USP13: variants seen among roughly 807,000 people sequenced by gnomAD.
USP13 encodes ubiquitin carboxyl-terminal hydrolase 13.
A neutral mutation model predicts 107.8 loss-of-function variants in USP13; 68 were observed. The observed-to-expected ratio is 0.63, with a 90% confidence interval of 0.52 to 0.77. The LOEUF is 0.77. USP13 is among the 30% of genes least tolerant of loss of function. USP13 has a pLI of 0.00. For synonymous variants in USP13, 377 were observed against 389.5 expected, an observed-to-expected ratio of 0.97 and a Z score of 0.38; for missense variants, 945 against 1,093.3, an observed-to-expected ratio of 0.86 and a Z score of 1.91.
intron 8 of USP13, among the ~76,000 whole-genome samples, chr3:179,722,949 C>G (rs956279838): frequency 2.0e-5 from 3 of 152,190 alleles, no homozygotes; most frequent in African/African-American, 7.2e-5. Flanking sequence ...CTGTTTTCTT[C>G]CTTGGGTGTA....
chr3:179,774,409 G>C (rs1715441602), intron 19 of USP13, among the ~76,000 whole-genome samples: 1 of 152,172 alleles, frequency 6.6e-6, no homozygotes, highest in Non-Finnish European at 1.5e-5. Context: ...CTGATGTTCG[G>C]ACATGTTCAA....
At position 179,743,375 on chromosome 3, in the gene USP13, G is replaced by C. The variant is rs1229275431; in HGVS notation, c.1534+1025G>C. ...TACACATGTATCCTGGAGTTTTTTT[G>C]TTTTTTGTTTTTTTTTTTGAGAATA... On this transcript the variant is annotated intron_variant, in intron 12 of 20. Coordinates refer to ENST00000263966, the MANE Select transcript of USP13 (RefSeq NM_003940.3). Among the ~76,000 whole-genome samples, 4 of 146,396 alleles carry C rather than the reference G, an allele frequency of 2.7e-5. No homozygotes were observed. In the Admixed American group the frequency reaches 2.7e-4, roughly 10 times the overall value.
intron 10 of USP13, among the ~76,000 whole-genome samples, chr3:179,732,338 T>C (rs1236515338): frequency 1.3e-5 from 2 of 152,170 alleles, no homozygotes; most frequent in African/African-American, 4.8e-5. Flanking sequence ...CAGTCCAAAA[T>C]TGTGTTATGA....
At chr3:179,760,617 A>C (rs565660022) in intron 16 of USP13, among the ~76,000 whole-genome samples, 1 of 149,728 alleles carries the variant, frequency 6.7e-6, no homozygotes, top group East Asian at 1.9e-4. Context: ...TTAAAAAACG[A>C]ACTTTTTCCT....
chr3:179,754,820 C>T lies in USP13; in HGVS notation c.1887C>T (p.Ile629=), dbSNP rs896078094. 1.8e-5 allele frequency: 29 copies of T among 1,612,914 alleles called. No individual in the cohort carries two copies. The highest frequency in any genetic ancestry group is 2.5e-5 in the Non-Finnish European group (29 of 1,179,566). ...CAGGAGAGGAAGAACTTCCAGACATCAGCCCCCCCATAGTCATTCCTGATG... is the reference window on the plus strand; with the variant it reads ...CAGGAGAGGAAGAACTTCCAGACATTAGCCCCCCCATAGTCATTCCTGATG... ...LQPGEEELPD[I]SPPIVIPDDS... is the part of the protein sequence containing the mutation. Residue 629 remains isoleucine (I), a synonymous_variant, in exon 15 of 21, where the codon ATC becomes ATT. Transcript: ENST00000263966.
chr3:179,757,178 T>C, intron 16 of USP13, 100 bp downstream of exon 16: 1 of 1,357,504 alleles, frequency 7.4e-7, no homozygotes, highest in Non-Finnish European at 1.0e-6. Flanking sequence ...TCTGTACGTG[T>C]GTGTGTGCAG....
intron 1 of USP13, among the ~76,000 whole-genome samples, chr3:179,662,809 C>T (rs1294641451): frequency 6.6e-6 from 1 of 152,158 alleles, no homozygotes; most frequent in Non-Finnish European, 1.5e-5. Context: ...CATTTTGGAT[C>T]TGGACATCTG....
At chr3:179,670,962 G>A (rs950929387) in intron 1 of USP13, among the ~76,000 whole-genome samples, 2 of 152,120 alleles carry the variant, frequency 1.3e-5, no homozygotes, top group African/African-American at 4.8e-5. Flanking sequence ...CTCACAAAGT[G>A]CTGGGATTAC....
chr3:179,748,625 A>G lies in USP13; in HGVS notation c.1709+3408A>G, dbSNP rs183812053. 2.0e-5 allele frequency among the ~76,000 whole-genome samples: 3 copies of G among 152,318 alleles called. No homozygotes were observed. In the East Asian group the frequency reaches 5.8e-4, roughly 29 times the overall value. On this transcript the variant is annotated intron_variant, in intron 13 of 20. Coordinates refer to ENST00000263966, the MANE Select transcript of USP13 (RefSeq NM_003940.3). ...GCTTGGAAAGTTTATTCACCCAGCA[A>G]ATATTATTGCTCACTTAGTATATTC...
rs550423733 is a variant in USP13, at chr3:179,700,701, C to A, written c.356-307C>A. 3.3e-5 allele frequency among the ~76,000 whole-genome samples: 5 copies of A among 152,278 alleles called. No homozygotes were observed. The East Asian group carries it at 9.6e-4, about 29-fold the overall frequency. On this transcript the variant is annotated intron_variant, in intron 3 of 20. Coordinates refer to ENST00000263966, the MANE Select transcript of USP13 (RefSeq NM_003940.3). ...TTTTTAAGAGTTTCTAAGAAATTTTCTTTCTGAGAAATTCCTTCTGAGAAT... is the reference window on the plus strand; with the variant it reads ...TTTTTAAGAGTTTCTAAGAAATTTTATTTCTGAGAAATTCCTTCTGAGAAT...
At chr3:179,660,375 C>G (rs183986556) in intron 1 of USP13, among the ~76,000 whole-genome samples, 1 of 152,332 alleles carries the variant, frequency 6.6e-6, no homozygotes, top group Admixed American at 6.5e-5. Context: ...TGGAATCACA[C>G]AGTATTTGTC....
chr3:179,784,760 A>G lies in USP13; in HGVS notation c.*619A>G, dbSNP rs999735272. The G allele has an allele frequency of 6.6e-6, 1 of 152,236 alleles. No individual in the cohort carries two copies. Among genetic ancestry groups the G allele is most frequent in the Admixed American group, 6.5e-5 (1 of 15,288 alleles). 9.4% of individuals were successfully genotyped at this position (152,236 alleles called of 1,614,324 possible). ...GTGAATGTGTGTGAGACTGACTGAG[A>G]GTGTGAGACTTTTACTAGAAAAGTG... On this transcript the variant is annotated 3_prime_UTR_variant, in exon 21 of 21. Transcript: ENST00000263966.
At chr3:179,755,544 C>T (rs917419233) in intron 15 of USP13, among the ~76,000 whole-genome samples, 6 of 152,142 alleles carry the variant, frequency 3.9e-5, no homozygotes, top group Admixed American at 2.0e-4. Context: ...GTGATCTGCC[C>T]GCCTCAGCCT....
intron 13 of USP13, 49 bp downstream of exon 13, chr3:179,745,266 G>T (rs775556483): frequency 5.0e-6 from 8 of 1,588,834 alleles, no homozygotes; most frequent in African/African-American, 2.7e-5. Context: ...GGGCCTTGAG[G>T]GGTGGGGACA....
At chr3:179,772,534 AGAG>A (rs1455798565) in intron 19 of USP13, among the ~76,000 whole-genome samples, 1 of 152,204 alleles carries the variant, frequency 6.6e-6, no homozygotes, top group East Asian at 1.9e-4. Flanking sequence ...GCCACCCAGA[AGAG>A]GATCTAGGGG....
intron 19 of USP13, among the ~76,000 whole-genome samples, chr3:179,771,606 A>C (rs531211165): frequency 9.2e-5 from 14 of 152,218 alleles, no homozygotes; most frequent in Non-Finnish European, 1.9e-4. Flanking sequence ...CTTAAACTTG[A>C]GAATTACCAC....
chr3:179,725,900 C>T (rs1015971958), intron 8 of USP13, among the ~76,000 whole-genome samples: 10 of 152,132 alleles, frequency 6.6e-5, no homozygotes, highest in African/African-American at 1.9e-4. Context: ...TTCACTCTCA[C>T]GAGAACAGGA....
intron 16 of USP13, among the ~76,000 whole-genome samples, chr3:179,760,089 C>G (rs371380407): frequency 5.9e-5 from 9 of 152,096 alleles, no homozygotes; most frequent in African/African-American, 1.9e-4. Flanking sequence ...CATGGAAAAC[C>G]CAAGGGATAT....
intron 19 of USP13, among the ~76,000 whole-genome samples, chr3:179,769,928 A>G (rs1715294175): frequency 6.6e-6 from 1 of 152,180 alleles, no homozygotes; most frequent in Non-Finnish European, 1.5e-5. Flanking sequence ...TGTGAGTGAA[A>G]AATACATATT....
Sources: gnomAD v4.1 joint callset for allele counts (sites outside exome capture counted in the v4.1 genomes callset) on GRCh38, gnomAD v4.1.1 for gene constraint, MANE v1.5 for transcripts, NCBI Gene and HGNC (gene_info 2026-07-23, HGNC 2026-07-21) for gene names.